The following ALK variants were observed in gnomAD, a reference collection of about 807,000 sequenced individuals.
The protein encoded by ALK is ALK receptor tyrosine kinase, also known as ALK tyrosine kinase receptor.
ALK carries 74 observed loss-of-function variants against 163.1 expected under a neutral mutation model. That is an observed-to-expected ratio of 0.45 (90% confidence interval 0.38 to 0.55). ALK has a LOEUF of 0.55. Ranked by LOEUF, ALK falls within the 20% of genes least tolerant of loss-of-function variation. ALK has a pLI of 0.00. For synonymous variants in ALK, 960 were observed against 843.2 expected, an observed-to-expected ratio of 1.14 and a Z score of -2.40; for missense variants, 2,063 against 2,105.3, an observed-to-expected ratio of 0.98 and a Z score of 0.39.
chr2:29,382,353 G>A (rs898476461), intron 5 of ALK, among the ~76,000 whole-genome samples: 6 of 152,202 alleles, frequency 3.9e-5, no homozygotes, highest in African/African-American at 1.4e-4. Flanking sequence ...GGGGATGAAT[G>A]TTTTTAGGTG....
At chr2:29,198,562 T>C (rs914208492) in intron 26 of ALK, among the ~76,000 whole-genome samples, 3 of 152,192 alleles carry the variant, frequency 2.0e-5, no homozygotes, top group African/African-American at 7.2e-5. Context: ...GTAAAATAAC[T>C]AGATCAAAAG....
chr2:29,900,272 G>T (rs2148430304), intron 1 of ALK, among the ~76,000 whole-genome samples: 1 of 152,328 alleles, frequency 6.6e-6, no homozygotes, highest in South Asian at 2.1e-4. Context: ...TACCACCTGA[G>T]CAGTGTCAAT....
intron 4 of ALK, among the ~76,000 whole-genome samples, chr2:29,529,920 A>G (rs1016005634): frequency 6.6e-6 from 1 of 152,162 alleles, no homozygotes; most frequent in African/African-American, 2.4e-5. Context: ...TGCCTTGGGA[A>G]GAGGATAAGT....
intron 9 of ALK, among the ~76,000 whole-genome samples, chr2:29,287,813 A>G (rs1453839234): frequency 6.6e-6 from 1 of 151,840 alleles, no homozygotes; most frequent in Non-Finnish European, 1.5e-5. Context: ...CAGGGAAGGA[A>G]AAGGGTGGAA....
chr2:29,651,532 G>A (rs748096275), intron 3 of ALK, among the ~76,000 whole-genome samples: 1 of 152,154 alleles, frequency 6.6e-6, no homozygotes, highest in Non-Finnish European at 1.5e-5. Context: ...AAAAAGATCT[G>A]AGGATCATTT....
chr2:29,355,450 C>T (rs192937462), intron 5 of ALK, among the ~76,000 whole-genome samples: 1 of 152,152 alleles, frequency 6.6e-6, no homozygotes, highest in East Asian at 1.9e-4. Flanking sequence ...GGCCTATGCT[C>T]CCTGCTAACA....
At chr2:29,510,576 A>T (rs1338008626) in intron 4 of ALK, among the ~76,000 whole-genome samples, 1 of 152,242 alleles carries the variant, frequency 6.6e-6, no homozygotes, top group Non-Finnish European at 1.5e-5. Context: ...GTGTACAATA[A>T]TTATAATATG....
At chr2:29,739,925 T>C (rs900071661) in intron 1 of ALK, among the ~76,000 whole-genome samples, 1 of 152,096 alleles carries the variant, frequency 6.6e-6, no homozygotes. Context: ...GCACTAAGGA[T>C]GCAACTAGAA....
chr2:29,698,881 G>GA (rs1488018857), intron 2 of ALK, among the ~76,000 whole-genome samples: 3 of 152,224 alleles, frequency 2.0e-5, no homozygotes, highest in Non-Finnish European at 4.4e-5. Context: ...TCATTTGGTT[G>GA]AAACTGAATT....
At chr2:29,624,319 A>T (rs1676129438) in intron 3 of ALK, among the ~76,000 whole-genome samples, 1 of 152,178 alleles carries the variant, frequency 6.6e-6, no homozygotes, top group South Asian at 2.1e-4. Flanking sequence ...TCTTTTATAA[A>T]AGCAAAACTG....
intron 3 of ALK, among the ~76,000 whole-genome samples, chr2:29,624,761 G>A (rs1198986080): frequency 2.0e-5 from 3 of 152,134 alleles, no homozygotes; most frequent in Non-Finnish European, 2.9e-5. Flanking sequence ...AAAAGTTAAA[G>A]TGAAAACAAA....
At chr2:29,380,379 C>T (rs1396569466) in intron 5 of ALK, among the ~76,000 whole-genome samples, 1 of 151,848 alleles carries the variant, frequency 6.6e-6, no homozygotes, top group African/African-American at 2.4e-5. Flanking sequence ...GCTGGGATTA[C>T]AGGCATGAGC....
At chr2:29,872,372 T>C (rs558224736) in intron 1 of ALK, among the ~76,000 whole-genome samples, 3 of 152,332 alleles carry the variant, frequency 2.0e-5, no homozygotes, top group African/African-American at 7.2e-5. Flanking sequence ...ATACAGACGT[T>C]CCTCAGCTTA....
intron 4 of ALK, among the ~76,000 whole-genome samples, chr2:29,432,479 T>C (rs1670295333): frequency 6.6e-6 from 1 of 152,142 alleles, no homozygotes; most frequent in African/African-American, 2.4e-5. Flanking sequence ...TTGAGCCAAA[T>C]AAAGCCCTTT....
At chr2:29,849,340 C>T (rs1185313497) in intron 1 of ALK, among the ~76,000 whole-genome samples, 3 of 152,214 alleles carry the variant, frequency 2.0e-5, no homozygotes, top group Non-Finnish European at 4.4e-5. Flanking sequence ...ACCTGGGACA[C>T]CACTCAGGCA....
intron 3 of ALK, among the ~76,000 whole-genome samples, chr2:29,629,380 A>C (rs1676292232): frequency 6.6e-6 from 1 of 152,192 alleles, no homozygotes; most frequent in Non-Finnish European, 1.5e-5. Flanking sequence ...AGGTTTCTTC[A>C]AGCAGAGGAA....
intron 4 of ALK, among the ~76,000 whole-genome samples, chr2:29,389,722 A>G (rs567979868): frequency 2.6e-5 from 4 of 152,234 alleles, no homozygotes; most frequent in Admixed American, 1.3e-4. Context: ...GTTCGTGTCA[A>G]TTCATGAACA....
At chr2:29,763,625 G>A (rs1248748262) in intron 1 of ALK, among the ~76,000 whole-genome samples, 1 of 152,202 alleles carries the variant, frequency 6.6e-6, no homozygotes, top group African/African-American at 2.4e-5. Context: ...CACCTCTGCT[G>A]AAGGGAAACT....
intron 26 of ALK, among the ~76,000 whole-genome samples, chr2:29,200,798 C>CGTGT (rs755970086): frequency 2.5e-5 from 2 of 80,362 alleles, no homozygotes; most frequent in Non-Finnish European, 6.2e-5. Flanking sequence ...TACATGTATA[C>CGTGT]ATATATATGT....
Sources: allele counts gnomAD v4.1 joint callset (sites outside exome capture counted in the v4.1 genomes callset), GRCh38; gene constraint gnomAD v4.1.1; transcripts MANE v1.5; gene names NCBI Gene and HGNC (gene_info 2026-07-23, HGNC 2026-07-21).